The following UGGT2 variants were observed in gnomAD, a reference collection of about 807,000 sequenced individuals.
UGGT2 encodes the protein UDP-glucose:glycoprotein glucosyltransferase 2.
In UGGT2, 180 loss-of-function variants were observed where a neutral mutation model predicts 192.1. The observed-to-expected ratio is 0.94, with a 90% confidence interval of 0.83 to 1.06. The LOEUF is 1.06. UGGT2 is among the 50% of genes least tolerant of loss of function. The pLI, the probability that UGGT2 is intolerant of heterozygous loss-of-function variation, is 0.00. For synonymous variants in UGGT2, 580 were observed against 591.0 expected, an observed-to-expected ratio of 0.98 and a Z score of 0.27; for missense variants, 1,849 against 1,795.7, an observed-to-expected ratio of 1.03 and a Z score of -0.54.
chr13:95,973,190 T>C (rs1274783728), intron 10 of UGGT2, among the ~76,000 whole-genome samples: 1 of 151,564 alleles, frequency 6.6e-6, no homozygotes, highest in Admixed American at 6.6e-5. Flanking sequence ...AATAAAATAA[T>C]AAATAATAAA....
At position 95,804,743 on chromosome 13, in the gene UGGT2, A is replaced by C. The variant is rs916396137; in HGVS notation, c.4529-2931T>G. Among the ~76,000 whole-genome samples, 24 of 152,330 alleles carry C rather than the reference A, an allele frequency of 1.6e-4. 1 individual carries two copies. In the East Asian group the frequency reaches 2.5e-3, roughly 16 times the overall value. Reference sequence around the variant, plus strand: ...TTGGGCAAACTGGATATCTACACACAAAAGAATAAAGCTGAACTCCTATCT... The same window carrying C: ...TTGGGCAAACTGGATATCTACACACCAAAGAATAAAGCTGAACTCCTATCT... On this transcript the variant is annotated intron_variant, in intron 38 of 38. Transcript: ENST00000376747.
At chr13:95,934,894 TTAAGATTTTTCA>T (rs2049409618) in intron 17 of UGGT2, among the ~76,000 whole-genome samples, 1 of 152,212 alleles carries the variant, frequency 6.6e-6, no homozygotes, top group Non-Finnish European at 1.5e-5. Flanking sequence ...CGCAGCTGCC[TTAAGATTTTTCA>T]TAGGTGTGGA....
chr13:95,956,741 T>G (rs1171431477), intron 12 of UGGT2, among the ~76,000 whole-genome samples: 1 of 152,218 alleles, frequency 6.6e-6, no homozygotes, highest in Non-Finnish European at 1.5e-5. Flanking sequence ...TGACAAATGA[T>G]GTAACAGCTG....
At chr13:95,942,843 T>C (rs1191465927) in intron 15 of UGGT2, among the ~76,000 whole-genome samples, 3 of 152,208 alleles carry the variant, frequency 2.0e-5, no homozygotes, top group Non-Finnish European at 4.4e-5. Context: ...TAGAGCTTTT[T>C]AAGTTTTATC....
intron 38 of UGGT2, among the ~76,000 whole-genome samples, chr13:95,804,911 A>G (rs976838807): frequency 5.9e-5 from 9 of 152,200 alleles, no homozygotes; most frequent in African/African-American, 9.6e-5. Flanking sequence ...CACCAAAAAT[A>G]TAACAAAAGT....
At chr13:96,030,707 T>C (rs574384323) in intron 2 of UGGT2, among the ~76,000 whole-genome samples, 38 of 152,322 alleles carry the variant, frequency 2.5e-4, no homozygotes, top group African/African-American at 8.2e-4. Flanking sequence ...TGGCTGAAGA[T>C]TTTACTCTTA....
intron 3 of UGGT2, 94 bp downstream of exon 3, chr13:96,023,535 G>C (rs777606584): frequency 2.7e-4 from 352 of 1,320,430 alleles, no homozygotes; most frequent in South Asian, 1.2e-3. Context: ...TAAACTTGTA[G>C]ATCATTTTGA....
chr13:95,812,674 C>T (rs922731696), intron 38 of UGGT2, among the ~76,000 whole-genome samples: 16 of 151,884 alleles, frequency 1.1e-4, no homozygotes, highest in African/African-American at 3.6e-4. Flanking sequence ...TGGTGGCAGT[C>T]CTTCATGGCT....
At chr13:95,964,912 C>T (rs575229778) in intron 12 of UGGT2, among the ~76,000 whole-genome samples, 8 of 152,054 alleles carry the variant, frequency 5.3e-5, no homozygotes, top group African/African-American at 1.9e-4. Context: ...AAAACGACCC[C>T]ATCAAAAAGT....
chr13:95,962,234 A>G (rs1281030331), intron 12 of UGGT2, among the ~76,000 whole-genome samples: 1 of 152,172 alleles, frequency 6.6e-6, no homozygotes, highest in African/African-American at 2.4e-5. Context: ...TCAGAGCAGA[A>G]CTAAATGAAA....
At chr13:95,832,896 T>A in intron 38 of UGGT2, 31 bp downstream of exon 38, 1 of 1,608,802 alleles carries the variant, frequency 6.2e-7, no homozygotes, top group Middle Eastern at 1.7e-4. Flanking sequence ...GCAACGCATG[T>A]TTCAGACATC....
chr13:95,903,084 A>G, intron 20 of UGGT2, 24 bp from the exon 21 acceptor site: 1 of 1,593,820 alleles, frequency 6.3e-7, no homozygotes, highest in Non-Finnish European at 8.5e-7. Flanking sequence ...TATAGATTAA[A>G]AAGACCAGTA....
In UGGT2 at chr13:95,942,224, GTGTGTGTGTGTGTGT is replaced by G. The variant is rs2049711453; in HGVS notation, c.1678-2148_1678-2134del. Among the ~76,000 whole-genome samples, 639 of 82,724 alleles carry G rather than the reference GTGTGTGTGTGTGTGT, an allele frequency of 7.7e-3. 8 individuals carry two copies. Among genetic ancestry groups the G allele is most frequent in the South Asian group, 0.038 (87 of 2,308 alleles). The allele number at this position is 82,724 out of a possible 152,430, so 54.3% of individuals were successfully genotyped here. Reference sequence around the variant, plus strand: ...CAAGAGCTTCTCTTAGGGTGAGGGTGTGTGTGTGTGTGTGTGTGTGTGTGTGTGTGTGTGTGTGTG... The same window carrying G: ...CAAGAGCTTCTCTTAGGGTGAGGGTGGTGTGTGTGTGTGTGTGTGTGTGTG... On this transcript the variant is annotated intron_variant, in intron 15 of 38. Transcript: ENST00000376747.
intron 20 of UGGT2, among the ~76,000 whole-genome samples, chr13:95,919,509 T>A (rs941738987): frequency 1.3e-5 from 2 of 152,188 alleles, no homozygotes; most frequent in African/African-American, 4.8e-5. Context: ...GATAAGCAAC[T>A]TTAGCAAAGT....
chr13:96,053,308 G>A lies in UGGT2; in HGVS notation c.5C>T (p.Ala2Val). The A allele has an allele frequency of 6.3e-7, 1 of 1,579,868 alleles. No homozygotes were observed. The highest frequency in any genetic ancestry group is 8.5e-7 in the Non-Finnish European group (1 of 1,172,320). The change falls in exon 1 of 39, where the codon GCG becomes GTG. Residue 2 changes from alanine to valine, a missense_variant. By Grantham distance (64) the Ala-to-Val change is moderately conservative (BLOSUM62 0). Transcript: ENST00000376747. ...CACCACGTTCGTGGCTTTCGCTGGCGCCATGGCACGGAGAGAAAAGCGCGA... is the reference window on the plus strand; with the variant it reads ...CACCACGTTCGTGGCTTTCGCTGGCACCATGGCACGGAGAGAAAAGCGCGA... M[A>V]PAKATNVVRL...
At chr13:95,884,802 T>A (rs113731775) in intron 26 of UGGT2, 122 bp from the exon 27 acceptor site, 1 of 868,164 alleles carries the variant, frequency 1.2e-6, no homozygotes, top group East Asian at 2.7e-5. Context: ...AAGACTAAGA[T>A]GCATTATACT....
rs779073667 is a variant in UGGT2 at position 95,837,094 on chromosome 13, T to C, written c.4393A>G (p.Ile1465Val). ...DDESKQRAKTIDLCNNPKTKE... is the reference protein window; with the variant it reads ...DDESKQRAKTVDLCNNPKTKE... ...AAAACAAAGACACTCACCAGATCAA[T>C]TGTTTTGGCTCTTTGTTTGGATTCA... The change falls in exon 37 of 39, where the codon ATT (isoleucine) becomes GTT (valine). Residue 1465 changes from isoleucine to valine, a missense_variant. By Grantham distance (29) the Ile-to-Val change is conservative. Transcript: ENST00000376747. The C allele has an allele frequency of 2.5e-6, 4 of 1,609,858 alleles. No homozygotes were observed. Among genetic ancestry groups the C allele is most frequent in the South Asian group, 1.1e-5 (1 of 90,986 alleles).
intron 1 of UGGT2, 38 bp from the exon 2 acceptor site, chr13:96,032,009 A>C (rs762199706): frequency 5.4e-6 from 8 of 1,494,510 alleles, no homozygotes; most frequent in Non-Finnish European, 9.3e-7. Flanking sequence ...AGTAGATGGA[A>C]TTTAAAATGG....
intron 10 of UGGT2, chr13:95,983,587 T>G (rs1194461523): frequency 1.6e-6 from 1 of 623,786 alleles, no homozygotes; most frequent in Admixed American, 2.0e-5. Context: ...GAAGAAATTC[T>G]GGAATATACT....
Sources: allele counts gnomAD v4.1 joint callset (sites outside exome capture counted in the v4.1 genomes callset), GRCh38; gene constraint gnomAD v4.1.1; transcripts MANE v1.5; gene names NCBI Gene and HGNC (gene_info 2026-07-23, HGNC 2026-07-21).